Variants in DAB1 observed in about 807,000 individuals in gnomAD.
The protein encoded by DAB1 is disabled homolog 1.
Under a neutral mutation model 64.6 loss-of-function variants are expected in DAB1, and 15 were observed. The observed-to-expected ratio is 0.23, with a 90% CI of 0.16 to 0.36. The LOEUF (loss-of-function observed/expected upper bound fraction) is 0.36. DAB1 is among the 10% of genes least tolerant of loss of function. The pLI is 1.00. For synonymous variants in DAB1, 235 were observed against 251.9 expected (o/e 0.93, Z 0.64); for missense variants, 596 against 706.7 (o/e 0.84, Z 1.78).
chr1:57,106,257 A>C (rs201532009), intron 4 of DAB1, among the ~76,000 whole-genome samples: 2,643 of 138,528 alleles, frequency 0.019, 4 homozygotes, highest in Middle Eastern at 0.042. Flanking sequence ...TCCCCCTAAC[A>C]CCCCCCCCCA....
chr1:58,137,906 C>T (rs56130841), intron 5 of DAB1, among the ~76,000 whole-genome samples: 400 of 152,252 alleles, frequency 2.6e-3, no homozygotes, highest in Non-Finnish European at 4.8e-3. Flanking sequence ...CATTCTGGTG[C>T]TGAGTTTACG....
chr1:58,488,459 C>CT (rs529647379), intron 3 of DAB1, among the ~76,000 whole-genome samples: 27 of 151,194 alleles, frequency 1.8e-4, no homozygotes, highest in Middle Eastern at 3.4e-3. Context: ...AATGTGTAGT[C>CT]TTTTTTTTTG....
intron 5 of DAB1, among the ~76,000 whole-genome samples, chr1:57,956,652 T>C (rs755632331): frequency 6.6e-6 from 1 of 152,168 alleles, no homozygotes; most frequent in Non-Finnish European, 1.5e-5. Context: ...TACCTTCTTG[T>C]AACCATAAGA....
At chr1:57,700,539 C>T (rs1036949234) in intron 6 of DAB1, among the ~76,000 whole-genome samples, 38 of 152,170 alleles carry the variant, frequency 2.5e-4, no homozygotes, top group African/African-American at 9.2e-4. Context: ...ATATGGTTTC[C>T]TCTGAGAAGT....
chr1:58,278,083 C>T (rs1299542415), intron 4 of DAB1, among the ~76,000 whole-genome samples: 2 of 152,220 alleles, frequency 1.3e-5, no homozygotes, highest in African/African-American at 4.8e-5. Flanking sequence ...TATGTCCCCA[C>T]CCAAATCTCA....
chr1:57,697,194 T>C (rs1646854791), intron 6 of DAB1, among the ~76,000 whole-genome samples: 1 of 151,986 alleles, frequency 6.6e-6, no homozygotes, highest in South Asian at 2.1e-4. Context: ...ATAATAGATA[T>C]CTAATGAAGA....
intron 1 of DAB1, among the ~76,000 whole-genome samples, chr1:57,406,775 C>G (rs557461084): frequency 6.6e-6 from 1 of 152,180 alleles, no homozygotes; most frequent in Non-Finnish European, 1.5e-5. Flanking sequence ...GGATCCGAAT[C>G]CTGTGGGCTG....
At chr1:58,110,078 G>A (rs776610447) in intron 5 of DAB1, among the ~76,000 whole-genome samples, 3 of 152,194 alleles carry the variant, frequency 2.0e-5, no homozygotes, top group Non-Finnish European at 2.9e-5. Flanking sequence ...TGTCCTTAAG[G>A]ATTGTTGGTA....
At chr1:57,479,000 T>C (rs1643976916) in intron 7 of DAB1, among the ~76,000 whole-genome samples, 1 of 152,198 alleles carries the variant, frequency 6.6e-6, no homozygotes, top group African/African-American at 2.4e-5. Context: ...ATCCTTCTGC[T>C]AACATCAGCT....
intron 3 of DAB1, among the ~76,000 whole-genome samples, chr1:58,391,748 C>T (rs751170956): frequency 1.3e-5 from 2 of 152,226 alleles, no homozygotes; most frequent in Non-Finnish European, 2.9e-5. Context: ...CACCCTCTTA[C>T]TGCTTCCTGC....
intron 7 of DAB1, among the ~76,000 whole-genome samples, chr1:57,538,612 T>C (rs1338005340): frequency 6.6e-6 from 1 of 152,188 alleles, no homozygotes; most frequent in South Asian, 2.1e-4. Flanking sequence ...CTACCTTCTC[T>C]ACCTTGAGCC....
chr1:58,088,745 A>G (rs1650465347), intron 5 of DAB1, among the ~76,000 whole-genome samples: 1 of 152,182 alleles, frequency 6.6e-6, no homozygotes, highest in Admixed American at 6.5e-5. Flanking sequence ...AGGCATTAGG[A>G]AAGGGTGTCA....
intron 6 of DAB1, among the ~76,000 whole-genome samples, chr1:57,746,693 T>A (rs61768386): frequency 0.016 from 2,398 of 152,330 alleles, 49 homozygotes; most frequent in Non-Finnish European, 0.023. Flanking sequence ...ATCTCTAGAT[T>A]ACTTATAAGA....
intron 2 of DAB1, among the ~76,000 whole-genome samples, chr1:57,235,557 G>C (rs1668029037): frequency 6.6e-6 from 1 of 152,166 alleles, no homozygotes; most frequent in Non-Finnish European, 1.5e-5. Flanking sequence ...GGTGGGTGGA[G>C]AGGTAGATAA....
chr1:57,204,141 T>C (rs264038), intron 2 of DAB1, among the ~76,000 whole-genome samples: 75,166 of 151,840 alleles, frequency 0.5, 18,784 homozygotes, highest in Admixed American at 0.55. Flanking sequence ...CTGCCCACCT[T>C]AGCTTCACAA....
At chr1:58,279,654 G>A (rs1336392291) in intron 4 of DAB1, among the ~76,000 whole-genome samples, 15 of 152,110 alleles carry the variant, frequency 9.9e-5, no homozygotes, top group African/African-American at 3.4e-4. Context: ...ACTGTACCAA[G>A]TCCCTTCAAG....
intron 2 of DAB1, among the ~76,000 whole-genome samples, chr1:57,227,517 TTTTG>T (rs1277163237): frequency 3.0e-4 from 36 of 118,340 alleles, no homozygotes; most frequent in African/African-American, 1.1e-3. Flanking sequence ...ATTTTTTTTC[TTTTG>T]TGTGTGTGTG....
chr1:57,137,898 G>A (rs1435284284), intron 3 of DAB1, among the ~76,000 whole-genome samples: 1 of 152,096 alleles, frequency 6.6e-6, no homozygotes, highest in African/African-American at 2.4e-5. Flanking sequence ...GAAATATTCT[G>A]TGGAATCAGA....
intron 1 of DAB1, among the ~76,000 whole-genome samples, chr1:57,345,777 G>A (rs370027619): frequency 2.6e-5 from 4 of 152,148 alleles, no homozygotes; most frequent in African/African-American, 7.2e-5. Flanking sequence ...CCTGTTTCAC[G>A]GCCCTGCAAT....
Sources: allele counts gnomAD v4.1 joint callset (sites outside exome capture counted in the v4.1 genomes callset), GRCh38; gene constraint gnomAD v4.1.1; transcripts MANE v1.5; gene names NCBI Gene and HGNC (gene_info 2026-07-23, HGNC 2026-07-21).